The following MARCO variants were observed in gnomAD, a reference collection of about 807,000 sequenced individuals.
MARCO encodes macrophage receptor MARCO.
A neutral mutation model predicts 70.0 loss-of-function variants in MARCO; 72 were observed. The observed-to-expected ratio is 1.03, with a 90% CI of 0.85 to 1.25. The LOEUF is 1.25. Ranked by LOEUF, MARCO falls within the 50% of genes most tolerant of loss-of-function variation. MARCO has a pLI of 0.00. For missense variants in MARCO, 696 were observed against 659.3 expected (o/e 1.06, Z -0.61); for synonymous variants, 273 against 243.1 (o/e 1.12, Z -1.14).
intron 1 of MARCO, among the ~76,000 whole-genome samples, chr2:118,950,741 A>G (rs1399917921): frequency 6.6e-6 from 1 of 152,106 alleles, no homozygotes; most frequent in Non-Finnish European, 1.5e-5. Flanking sequence ...CAGTTAATTT[A>G]TTTTAGGACA....
At chr2:118,943,457 C>T (rs1369792720) in intron 1 of MARCO, among the ~76,000 whole-genome samples, 3 of 152,258 alleles carry the variant, frequency 2.0e-5, no homozygotes, top group African/African-American at 7.2e-5. Context: ...GCACTGCACT[C>T]AGCACTGAGG....
chr2:118,976,909 G>T (rs780364688), intron 6 of MARCO, among the ~76,000 whole-genome samples: 7 of 152,178 alleles, frequency 4.6e-5, no homozygotes, highest in Non-Finnish European at 7.3e-5. Context: ...ACCTGAGACT[G>T]GGTAATTTAC....
intron 1 of MARCO, among the ~76,000 whole-genome samples, chr2:118,967,166 G>A (rs1680067595): frequency 6.6e-6 from 1 of 152,240 alleles, no homozygotes; most frequent in South Asian, 2.1e-4. Context: ...AGAGTGATGT[G>A]GGAGAGCCAA....
intron 1 of MARCO, chr2:118,944,663 T>TA (rs566390632): frequency 8.2e-4 from 125 of 152,100 alleles, no homozygotes; most frequent in Admixed American, 1.6e-3. Context: ...CTAGTTTTTT[T>TA]TTATTATTAT....
intron 10 of MARCO, 143 bp downstream of exon 10, chr2:118,981,799 C>T (rs2104596747): frequency 2.3e-6 from 2 of 873,238 alleles, no homozygotes; most frequent in Non-Finnish European, 3.7e-6. Flanking sequence ...TGGCCCTGGC[C>T]AAGAGGAACA....
intron 15 of MARCO, 185 bp from the exon 16 acceptor site, chr2:118,992,939 C>T: frequency 1.7e-6 from 1 of 596,588 alleles, no homozygotes. Flanking sequence ...GCCCCAGGTG[C>T]ATGGAGGCTG....
intron 1 of MARCO, among the ~76,000 whole-genome samples, chr2:118,951,204 A>G (rs1679716343): frequency 6.6e-6 from 1 of 152,182 alleles, no homozygotes; most frequent in Non-Finnish European, 1.5e-5. Flanking sequence ...GGGAGGAACC[A>G]TCTATCATCC....
At chr2:118,989,023 G>A (rs1471974968) in intron 12 of MARCO, among the ~76,000 whole-genome samples, 2 of 152,228 alleles carry the variant, frequency 1.3e-5, no homozygotes, top group African/African-American at 4.8e-5. Flanking sequence ...GGGACACCTG[G>A]CTCAAGGTCA....
At chr2:118,951,037 C>G (rs1679712897) in intron 1 of MARCO, among the ~76,000 whole-genome samples, 2 of 152,208 alleles carry the variant, frequency 1.3e-5, no homozygotes, top group Admixed American at 1.3e-4. Flanking sequence ...ATAGATGACT[C>G]CTTCCTGAAT....
chr2:118,987,708 G>A (rs1326432363), intron 12 of MARCO, among the ~76,000 whole-genome samples: 1 of 152,194 alleles, frequency 6.6e-6, no homozygotes, highest in Non-Finnish European at 1.5e-5. Context: ...CATCACCTGG[G>A]AACTTGTTAG....
At chr2:118,952,581 G>A (rs1679743905) in intron 1 of MARCO, 1 of 152,234 alleles carries the variant, frequency 6.6e-6, no homozygotes, top group Non-Finnish European at 1.5e-5. Flanking sequence ...GACCAAGGAA[G>A]TACTTTACCG....
In MARCO at chr2:118,978,378, G is replaced by T. The variant is rs140941637; in HGVS notation, c.766+443G>T. Among the ~76,000 whole-genome samples the T allele has an allele frequency of 3.0e-3, 457 of 152,342 alleles. 3 individuals carry two copies. The highest frequency in any genetic ancestry group is 0.01 in the African/African-American group (436 of 41,584). On this transcript the variant is annotated intron_variant, in intron 8 of 16. Transcript: ENST00000327097. The stretch of plus-strand genomic sequence containing the variant: ...AGGGCCAATATCATAAGAGCTGTTT[G>T]GGTGCTTGCTTAAAATGCAGGGAGG...
At chr2:118,953,312 G>T (rs942539397) in intron 1 of MARCO, among the ~76,000 whole-genome samples, 1 of 152,210 alleles carries the variant, frequency 6.6e-6, no homozygotes, top group Non-Finnish European at 1.5e-5. Flanking sequence ...AAGAAAGTTA[G>T]TCCTCAAAAG....
chr2:118,971,090 G>T (rs1275712962), intron 3 of MARCO, among the ~76,000 whole-genome samples: 1 of 152,206 alleles, frequency 6.6e-6, no homozygotes, highest in Non-Finnish European at 1.5e-5. Context: ...GTGTGAGGAG[G>T]GGCGATAGCT....
intron 1 of MARCO, among the ~76,000 whole-genome samples, chr2:118,955,541 C>A (rs182943222): frequency 2.6e-4 from 40 of 152,214 alleles, no homozygotes; most frequent in African/African-American, 9.1e-4. Context: ...GGGGAATAAT[C>A]AAGGAAAACT....
At chr2:118,967,609 C>T (rs1170946212) in intron 1 of MARCO, among the ~76,000 whole-genome samples, 6 of 152,252 alleles carry the variant, frequency 3.9e-5, no homozygotes, top group African/African-American at 1.4e-4. Context: ...ACTAGCTAAA[C>T]AACCAACCCA....
chr2:118,986,729 A>AGAAAGAAAGAAAGAAAGG (rs1558672056), intron 12 of MARCO, among the ~76,000 whole-genome samples: 8 of 126,266 alleles, frequency 6.3e-5, no homozygotes, highest in African/African-American at 2.8e-4. Flanking sequence ...AAGAAAAGAA[A>AGAAAGAAAGAAAGAAAGG]GAAAGAAAGA....
At chr2:118,974,590 C>A in intron 6 of MARCO, 25 bp downstream of exon 6, 1 of 1,605,072 alleles carries the variant, frequency 6.2e-7, no homozygotes, top group Non-Finnish European at 8.5e-7. Flanking sequence ...GGTATGTACC[C>A]AGAAATACAC....
In MARCO at chr2:118,942,358, G is replaced by C. The variant is rs374644524; in HGVS notation, c.58G>C (p.Ala20Pro). The change falls in exon 1 of 17, where the codon GCT becomes CCT. Residue 20 changes from alanine (A) to proline (P), a missense_variant. Coordinates refer to ENST00000327097, the MANE Select transcript of MARCO (RefSeq NM_006770.4). ...DELLSETQQA[A>P]FHQIAMEPFE... is the part of the protein sequence containing the mutation. Reference sequence around the variant, plus strand: ...GCTCTTGAGTGAGACCCAACAAGCTGCTTTTCACCAAATTGCAATGGAGCC... The same window carrying C: ...GCTCTTGAGTGAGACCCAACAAGCTCCTTTTCACCAAATTGCAATGGAGCC... 11 of 1,613,716 alleles carry C rather than the reference G, an allele frequency of 6.8e-6. No individual in the cohort carries two copies. The highest frequency in any genetic ancestry group is 9.3e-6 in the Non-Finnish European group (11 of 1,179,804).
Sources: gnomAD v4.1 joint callset for allele counts (sites outside exome capture counted in the v4.1 genomes callset) on GRCh38, gnomAD v4.1.1 for gene constraint, MANE v1.5 for transcripts, NCBI Gene and HGNC (gene_info 2026-07-23, HGNC 2026-07-21) for gene names.